NR3C1: variants seen among roughly 807,000 people sequenced by gnomAD.
The protein encoded by NR3C1 is glucocorticoid receptor.
In NR3C1, 14 loss-of-function variants were observed where a neutral mutation model predicts 74.0. The observed-to-expected ratio is 0.19, with a 90% CI of 0.12 to 0.30. NR3C1 has a LOEUF of 0.30. Among genes scored for constraint, NR3C1 ranks in the 10% least tolerant of loss-of-function variants. The pLI is 1.00. For synonymous variants in NR3C1, 308 were observed against 332.5 expected (o/e 0.93, Z 0.80); for missense variants, 695 against 909.8 (o/e 0.76, Z 3.04).
chr5:143,292,678 T>C (rs1816204037), intron 7 of NR3C1, among the ~76,000 whole-genome samples: 1 of 152,204 alleles, frequency 6.6e-6, no homozygotes, highest in Non-Finnish European at 1.5e-5. Flanking sequence ...ACTGGGTCCC[T>C]GGGAGTTTTT....
In NR3C1 at chr5:143,279,356, G is replaced by A. The variant is rs754729426; in HGVS notation, c.*2533C>T. On this transcript the variant is annotated 3_prime_UTR_variant, in exon 9 of 9. Transcript: ENST00000394464. ...ATTTTTTGAGCGCCAAGATTGTTGG[G>A]ATGAAAATCAGATTAATGTGTGAGA... 6 of 1,550,764 alleles carry A rather than the reference G, an allele frequency of 3.9e-6. No homozygotes were observed. The highest frequency in any genetic ancestry group is 4.0e-5 in the Admixed American group (2 of 50,338).
intron 4 of NR3C1, among the ~76,000 whole-genome samples, chr5:143,307,114 T>G (rs1819803100): frequency 2.6e-5 from 4 of 152,106 alleles, no homozygotes; most frequent in Admixed American, 2.6e-4. Context: ...GCCAGGATAG[T>G]CTCGATCTCC....
chr5:143,381,409 C>T (rs1226943869), intron 2 of NR3C1, among the ~76,000 whole-genome samples: 1 of 151,710 alleles, frequency 6.6e-6, no homozygotes, highest in Non-Finnish European at 1.5e-5. Context: ...TAATAAATAT[C>T]AATGACATTC....
chr5:143,358,894 C>T lies in NR3C1; in HGVS notation c.1184+40762G>A, dbSNP rs142912950. ...CAGCCCCGTGAACAAGAGCAAAACTCCATTTCAAAAAAAAAAAAAATTAAA... is the reference window on the plus strand; with the variant it reads ...CAGCCCCGTGAACAAGAGCAAAACTTCATTTCAAAAAAAAAAAAAATTAAA... On this transcript the variant is annotated intron_variant, in intron 2 of 8. Coordinates refer to ENST00000394464, the MANE Select transcript of NR3C1 (RefSeq NM_000176.3). 2.8e-3 allele frequency among the ~76,000 whole-genome samples: 421 copies of T among 150,678 alleles called. 5 individuals are homozygous for T. Among genetic ancestry groups the T allele is most frequent in the African/African-American group, 9.8e-3 (402 of 41,176 alleles).
Position 143,348,854 on chromosome 5 carries a change from A to G in NR3C1, c.1185-34686T>C, listed in dbSNP as rs10482640. On this transcript the variant is annotated intron_variant, in intron 2 of 8. Coordinates refer to ENST00000394464, the MANE Select transcript of NR3C1 (RefSeq NM_000176.3). The stretch of plus-strand genomic sequence containing the variant: ...GGCACAACTTAAAATTTTCCCATAA[A>G]TATAGAAAGAGAATAGGTCTTACTG... Among the ~76,000 whole-genome samples, 753 of 152,274 alleles carry G rather than the reference A, an allele frequency of 4.9e-3. 2 individuals carry two copies. The highest frequency in any genetic ancestry group is 0.017 in the African/African-American group (700 of 41,558).
chr5:143,301,705 A>AT (rs1265993492), intron 4 of NR3C1, among the ~76,000 whole-genome samples: 3 of 152,146 alleles, frequency 2.0e-5, no homozygotes, highest in African/African-American at 7.2e-5. Context: ...AAGAAATGTA[A>AT]TTTATATCAC....
chr5:143,406,063 G>T (rs1841090871), upstream of NR3C1, among the ~76,000 whole-genome samples: 1 of 151,712 alleles, frequency 6.6e-6, no homozygotes, highest in South Asian at 2.1e-4. Flanking sequence ...CTTGTACACT[G>T]CTTAAAATGA....
intron 1 of NR3C1, among the ~76,000 whole-genome samples, chr5:143,422,316 G>T (rs1751279655): frequency 6.6e-6 from 1 of 152,186 alleles, no homozygotes; most frequent in African/African-American, 2.4e-5. Flanking sequence ...GAGACAGTAT[G>T]GCATAGTATT....
intron 7 of NR3C1, chr5:143,294,095 CTT>C (rs1421162018): frequency 2.0e-6 from 2 of 984,684 alleles, no homozygotes; most frequent in Non-Finnish European, 2.4e-6. Flanking sequence ...CATAAAATAA[CTT>C]TTTGTTGAGC....
intron 2 of NR3C1, among the ~76,000 whole-genome samples, chr5:143,396,176 A>G (rs999318689): frequency 6.6e-6 from 1 of 151,884 alleles, no homozygotes; most frequent in Admixed American, 6.6e-5. Context: ...ATATTTCTGC[A>G]TTAGTCATTT....
intron 7 of NR3C1, among the ~76,000 whole-genome samples, chr5:143,283,255 A>C (rs1562692863): frequency 6.6e-6 from 1 of 152,232 alleles, no homozygotes; most frequent in East Asian, 1.9e-4. Flanking sequence ...CTAAAATATA[A>C]GCATTTTCTT....
chr5:143,309,629 GT>G lies in NR3C1; in HGVS notation c.1468+467del, dbSNP rs200870548. ...AAAACCCATCCAGTTCTTCCTTGAGGTTTTTTTTTTCCCACCACCCCCCGCT... is the reference window on the plus strand; with the variant it reads ...AAAACCCATCCAGTTCTTCCTTGAGGTTTTTTTTTCCCACCACCCCCCGCT... On this transcript the variant is annotated intron_variant, in intron 4 of 8. Transcript: ENST00000394464. Among the ~76,000 whole-genome samples, 201 of 149,070 alleles carry G rather than the reference GT, an allele frequency of 1.3e-3. 3 individuals are homozygous for G. In the East Asian group the frequency reaches 0.022, roughly 16 times the overall value.
rs905666129 is a variant in NR3C1 at position 143,313,185 on chromosome 5, A to G, written c.1351+817T>C. Among the ~76,000 whole-genome samples, 7 of 152,064 alleles carry G rather than the reference A, an allele frequency of 4.6e-5. No homozygotes were observed. In the South Asian group the frequency reaches 6.2e-4, roughly 14 times the overall value. ...TTAGAAATAACTAAATTATATGACA[A>G]TTTTTTTCCTAGAGGAGTCACTGGT... On this transcript the variant is annotated intron_variant, in intron 3 of 8. Transcript: ENST00000394464.
chr5:143,318,390 A>G (rs1170683497), intron 2 of NR3C1, among the ~76,000 whole-genome samples: 3 of 152,144 alleles, frequency 2.0e-5, no homozygotes, highest in Admixed American at 1.3e-4. Context: ...ATGTCAGTCT[A>G]TCTTGCACTT....
Position 143,313,997 on chromosome 5 carries a change from A to G in NR3C1, c.1351+5T>C. On this transcript the variant is annotated splice_donor_5th_base_variant and intron_variant, in intron 3 of 8. Coordinates refer to ENST00000394464, the MANE Select transcript of NR3C1 (RefSeq NM_000176.3). Reference sequence around the variant, plus strand: ...GAAAAATAAACTCTTCAAAACACACACTACCTTCCACTGCTCTTTTGAAGA... The same window carrying G: ...GAAAAATAAACTCTTCAAAACACACGCTACCTTCCACTGCTCTTTTGAAGA... The G allele has an allele frequency of 6.2e-7, 1 of 1,613,278 alleles. No homozygotes were observed. Among genetic ancestry groups the G allele is most frequent in the Non-Finnish European group, 8.5e-7 (1 of 1,179,364 alleles).
chr5:143,429,179 G>T (rs938738769), intron 1 of NR3C1, among the ~76,000 whole-genome samples: 2 of 152,142 alleles, frequency 1.3e-5, no homozygotes, highest in African/African-American at 2.4e-5. Flanking sequence ...CTCACTTATG[G>T]TAAGTGCTTC....
At chr5:143,373,872 T>C (rs1056625749) in intron 2 of NR3C1, among the ~76,000 whole-genome samples, 1 of 152,054 alleles carries the variant, frequency 6.6e-6, no homozygotes, top group East Asian at 1.9e-4. Flanking sequence ...TACAAAGAGG[T>C]GTTTATTATT....
chr5:143,405,664 G>C (rs1169393839), upstream of NR3C1, among the ~76,000 whole-genome samples: 1 of 152,142 alleles, frequency 6.6e-6, no homozygotes, highest in Admixed American at 6.5e-5. Flanking sequence ...AGAGATACTC[G>C]CCACCTCGGA....
At chr5:143,433,591 T>C (rs375314780) in intron 1 of NR3C1, 1 of 151,758 alleles carries the variant, frequency 6.6e-6, no homozygotes, top group East Asian at 1.9e-4. Flanking sequence ...TCAGCTAAAT[T>C]ACCTGATCTG....
Sources: allele counts gnomAD v4.1 joint callset (sites outside exome capture counted in the v4.1 genomes callset), GRCh38; gene constraint gnomAD v4.1.1; transcripts MANE v1.5; gene names NCBI Gene and HGNC (gene_info 2026-07-23, HGNC 2026-07-21).